DLGAP2: variants seen among roughly 807,000 people sequenced by gnomAD.
The protein encoded by DLGAP2 is DLG associated protein 2.
In DLGAP2, 26 loss-of-function variants were observed where a neutral mutation model predicts 100.3. That is an observed-to-expected ratio of 0.26 (90% CI 0.19 to 0.36). The LOEUF is 0.36. Ranked by LOEUF, DLGAP2 falls within the 10% of genes least tolerant of loss-of-function variation. The pLI is 1.00. For synonymous variants in DLGAP2, 886 were observed against 630.1 expected (o/e 1.41, Z -6.08); for missense variants, 1,858 against 1,453.2 (o/e 1.28, Z -4.53).
chr8:1,190,618 T>G (rs895453625), intron 2 of DLGAP2, among the ~76,000 whole-genome samples: 2 of 152,180 alleles, frequency 1.3e-5, no homozygotes, highest in Admixed American at 1.3e-4. Flanking sequence ...AACAGCTGTT[T>G]GGTGACTGTG....
At position 1,701,448 on chromosome 8, in the gene DLGAP2, C is replaced by G. The variant is rs907358602; in HGVS notation, c.*42C>G. ...CTTCCCCTCGTCGCTTCCGCTTTCCCGGACGCTTGTGCAGCGCGGCGCCGC... is the reference window on the plus strand; with the variant it reads ...CTTCCCCTCGTCGCTTCCGCTTTCCGGGACGCTTGTGCAGCGCGGCGCCGC... On this transcript the variant is annotated 3_prime_UTR_variant, in exon 15 of 15. Transcript: ENST00000637795. 1.2e-5 allele frequency: 19 copies of G among 1,539,132 alleles called. No individual in the cohort carries two copies. In the African/African-American group the frequency reaches 2.3e-4, roughly 19 times the overall value.
chr8:1,043,267 T>G (rs181272680), intron 2 of DLGAP2, among the ~76,000 whole-genome samples: 1 of 86,660 alleles, frequency 1.2e-5, no homozygotes, highest in Non-Finnish European at 2.3e-5. Context: ...GGGTGGTGGA[T>G]GTGGGTGGTG....
intron 2 of DLGAP2, among the ~76,000 whole-genome samples, chr8:972,830 C>A (rs1156567022): frequency 6.6e-6 from 1 of 152,154 alleles, no homozygotes; most frequent in Non-Finnish European, 1.5e-5. Context: ...TCTTAACGAG[C>A]ATGCTGCCTT....
intron 2 of DLGAP2, 54 bp from the exon 3 acceptor site, chr8:1,258,797 C>A: frequency 1.6e-6 from 2 of 1,226,258 alleles, no homozygotes; most frequent in Non-Finnish European, 1.0e-6. Flanking sequence ...ATCTTTTTAA[C>A]TGCATGGTTG....
At chr8:1,194,133 T>C (rs1295212052) in intron 2 of DLGAP2, among the ~76,000 whole-genome samples, 1 of 151,648 alleles carries the variant, frequency 6.6e-6, no homozygotes, top group Non-Finnish European at 1.5e-5. Flanking sequence ...ATAAAGTGAG[T>C]AAGACACAGT....
intron 2 of DLGAP2, among the ~76,000 whole-genome samples, chr8:1,045,933 G>A (rs1430975867): frequency 6.6e-6 from 1 of 152,144 alleles, no homozygotes; most frequent in African/African-American, 2.4e-5. Flanking sequence ...CAAGTTTAAC[G>A]GGGCTTGGGT....
rs1300765229 is a variant in DLGAP2 at position 1,703,694 on chromosome 8, A to G, written c.*2288A>G. 6.6e-6 allele frequency: 1 copy of G among 152,242 alleles called. No homozygotes were observed. Among genetic ancestry groups the G allele is most frequent in the Non-Finnish European group, 1.5e-5 (1 of 68,042 alleles). The allele number at this position is 152,242 out of a possible 1,614,324, so 9.4% of individuals were successfully genotyped here. A position where few individuals can be genotyped will look rare whatever the true frequency, so the allele number is the denominator to read the frequency against. ...GAAAAGCAAACTGTTAAAGTAGTCA[A>G]TAATTATTTGTCTCAGATCCCAGAT... On this transcript the variant is annotated 3_prime_UTR_variant, in exon 15 of 15. Transcript: ENST00000637795.
intron 2 of DLGAP2, among the ~76,000 whole-genome samples, chr8:1,193,134 C>T (rs148463967): frequency 0.051 from 7,827 of 152,084 alleles, 523 homozygotes; most frequent in African/African-American, 0.16. Flanking sequence ...TATAAACATA[C>T]GTGTGCATGT....
intron 4 of DLGAP2, among the ~76,000 whole-genome samples, chr8:1,542,246 T>A (rs559894635): frequency 1.3e-5 from 2 of 152,362 alleles, no homozygotes; most frequent in Admixed American, 6.5e-5. Context: ...ATTCGAGCTT[T>A]ATGGGGATAT....
intron 3 of DLGAP2, among the ~76,000 whole-genome samples, chr8:1,298,848 G>T (rs1290235912): frequency 6.6e-6 from 1 of 152,168 alleles, no homozygotes; most frequent in Non-Finnish European, 1.5e-5. Context: ...CTGGTAATTC[G>T]AATGTCCCAG....
chr8:1,115,051 C>G (rs1290051067), intron 2 of DLGAP2, among the ~76,000 whole-genome samples: 1 of 152,020 alleles, frequency 6.6e-6, no homozygotes, highest in African/African-American at 2.4e-5. Flanking sequence ...TGCTGTGGTC[C>G]AAGATTGTAT....
At chr8:1,251,912 C>T (rs763516910) in intron 2 of DLGAP2, among the ~76,000 whole-genome samples, 12 of 152,242 alleles carry the variant, frequency 7.9e-5, no homozygotes, top group Admixed American at 1.3e-4. Context: ...TGTGTTATCA[C>T]GTGGGCCTGT....
At chr8:1,143,583 C>A (rs550232637) in intron 2 of DLGAP2, among the ~76,000 whole-genome samples, 5 of 152,320 alleles carry the variant, frequency 3.3e-5, no homozygotes, top group African/African-American at 1.2e-4. Context: ...GCCCCGGGCT[C>A]TCCAGGCTGC....
intron 2 of DLGAP2, among the ~76,000 whole-genome samples, chr8:1,022,827 G>T (rs554500481): frequency 3.3e-5 from 5 of 152,262 alleles, no homozygotes; most frequent in African/African-American, 9.6e-5. Flanking sequence ...GGAGTGGATG[G>T]TTCCGTGCCG....
chr8:1,695,435 G>A (rs1425238523), intron 13 of DLGAP2, among the ~76,000 whole-genome samples: 2 of 142,296 alleles, frequency 1.4e-5, no homozygotes, highest in East Asian at 2.1e-4. Flanking sequence ...AGCCATGTCC[G>A]GCCCTACAGA....
At chr8:1,494,178 T>A (rs937687412) in intron 3 of DLGAP2, among the ~76,000 whole-genome samples, 2 of 152,248 alleles carry the variant, frequency 1.3e-5, no homozygotes, top group African/African-American at 2.4e-5. Flanking sequence ...AATACTATTG[T>A]TTCCTTTTCC....
At chr8:1,381,860 G>A (rs1481708720) in intron 3 of DLGAP2, among the ~76,000 whole-genome samples, 1 of 151,066 alleles carries the variant, frequency 6.6e-6, no homozygotes, top group Non-Finnish European at 1.5e-5. Context: ...TAGCCATTCA[G>A]ATAGGAATTC....
intron 5 of DLGAP2, among the ~76,000 whole-genome samples, chr8:1,561,391 T>C (rs1043893284): frequency 6.6e-6 from 1 of 152,152 alleles, no homozygotes; most frequent in Non-Finnish European, 1.5e-5. Flanking sequence ...TCATAAAGGC[T>C]TTAGAAGAAC....
At chr8:1,535,884 G>C (rs993951199) in intron 4 of DLGAP2, among the ~76,000 whole-genome samples, 49 of 152,342 alleles carry the variant, frequency 3.2e-4, no homozygotes, top group African/African-American at 1.2e-3. Flanking sequence ...CATGGACGGT[G>C]CTGTGGATGG....
Sources: allele counts gnomAD v4.1 joint callset (sites outside exome capture counted in the v4.1 genomes callset), GRCh38; gene constraint gnomAD v4.1.1; transcripts MANE v1.5; gene names NCBI Gene and HGNC (gene_info 2026-07-23, HGNC 2026-07-21).